The following KCND2 variants were observed in gnomAD, a reference collection of about 807,000 sequenced individuals.
The protein encoded by KCND2 is potassium voltage-gated channel subfamily D member 2.
In KCND2, 16 loss-of-function variants were observed where a neutral mutation model predicts 54.4. The ratio of observed to expected loss-of-function variants is 0.29; its 90% confidence interval spans 0.20 to 0.45. The LOEUF is 0.45. Ranked by LOEUF, KCND2 falls within the 20% of genes least tolerant of loss-of-function variation. KCND2 has a pLI of 1.00. For synonymous variants in KCND2, 317 were observed against 310.7 expected (o/e 1.02, Z -0.21); for missense variants, 486 against 824.2 (o/e 0.59, Z 5.02).
intron 1 of KCND2, among the ~76,000 whole-genome samples, chr7:120,452,802 A>G (rs767478645): frequency 1.6e-4 from 25 of 152,156 alleles, no homozygotes; most frequent in Non-Finnish European, 3.1e-4. Flanking sequence ...CCCATCGCCC[A>G]AGGCTCACCA....
At chr7:120,501,822 A>C (rs932838103) in intron 1 of KCND2, among the ~76,000 whole-genome samples, 13 of 152,100 alleles carry the variant, frequency 8.5e-5, no homozygotes, top group African/African-American at 7.2e-5. Context: ...AAATTTTTAA[A>C]AATCTTCATT....
intron 1 of KCND2, among the ~76,000 whole-genome samples, chr7:120,611,379 G>T (rs1792952627): frequency 6.6e-6 from 1 of 152,180 alleles, no homozygotes; most frequent in African/African-American, 2.4e-5. Context: ...ATTTGCTGCA[G>T]TGTACAGTCT....
At chr7:120,457,988 T>C (rs931742462) in intron 1 of KCND2, among the ~76,000 whole-genome samples, 1 of 152,144 alleles carries the variant, frequency 6.6e-6, no homozygotes, top group Non-Finnish European at 1.5e-5. Flanking sequence ...AAACACTTCC[T>C]TATTGATATG....
chr7:120,519,267 C>T (rs182989912), intron 1 of KCND2, among the ~76,000 whole-genome samples: 3 of 152,056 alleles, frequency 2.0e-5, no homozygotes, highest in Non-Finnish European at 4.4e-5. Flanking sequence ...CTTGAACCCA[C>T]GAGACTGAGG....
At chr7:120,491,355 C>T (rs112550281) in intron 1 of KCND2, among the ~76,000 whole-genome samples, 182 of 151,944 alleles carry the variant, frequency 1.2e-3, no homozygotes, top group African/African-American at 4.0e-3. Flanking sequence ...GTTGTTCCTA[C>T]GAAAATAGTG....
At chr7:120,448,646 C>A (rs1015493669) in intron 1 of KCND2, among the ~76,000 whole-genome samples, 1 of 152,044 alleles carries the variant, frequency 6.6e-6, no homozygotes, top group Non-Finnish European at 1.5e-5. Context: ...GACCAATATC[C>A]CTGATGAACA....
At chr7:120,332,384 T>G (rs983565183) in intron 1 of KCND2, among the ~76,000 whole-genome samples, 7 of 152,254 alleles carry the variant, frequency 4.6e-5, no homozygotes, top group Middle Eastern at 6.8e-3. Context: ...ATTCATGTTT[T>G]AAAATCAGTG....
Position 120,574,514 on chromosome 7 carries a change from C to G in KCND2, c.1116-158389C>G, listed in dbSNP as rs116450784. Among the ~76,000 whole-genome samples the G allele has an allele frequency of 9.0e-3, 1,374 of 152,184 alleles. 15 individuals are homozygous for G. Among genetic ancestry groups the G allele is most frequent in the African/African-American group, 0.03 (1,252 of 41,534 alleles). On this transcript the variant is annotated intron_variant, in intron 1 of 5. Transcript: ENST00000331113. Reference sequence around the variant, plus strand: ...TCTTAACATTTAATAAGAGGCTATTCTACACAATATCAAAAAACTAAAATA... The same window carrying G: ...TCTTAACATTTAATAAGAGGCTATTGTACACAATATCAAAAAACTAAAATA...
At chr7:120,616,624 C>G (rs1793028806) in intron 1 of KCND2, among the ~76,000 whole-genome samples, 1 of 151,968 alleles carries the variant, frequency 6.6e-6, no homozygotes, top group Non-Finnish European at 1.5e-5. Context: ...TTTGTAGGGA[C>G]CAATAATATT....
intron 1 of KCND2, among the ~76,000 whole-genome samples, chr7:120,503,347 A>G (rs774921160): frequency 2.0e-5 from 3 of 151,804 alleles, no homozygotes; most frequent in Non-Finnish European, 2.9e-5. Flanking sequence ...TTCAGAGTTT[A>G]CATTTCAAAA....
chr7:120,282,296 C>G (rs932600337), intron 1 of KCND2, among the ~76,000 whole-genome samples: 2 of 151,998 alleles, frequency 1.3e-5, no homozygotes, highest in African/African-American at 4.8e-5. Context: ...TGTTTTTCAT[C>G]CAGGTTTTCT....
At position 120,655,297 on chromosome 7, in the gene KCND2, G is replaced by T. The variant is rs376428759; in HGVS notation, c.1116-77606G>T. On this transcript the variant is annotated intron_variant, in intron 1 of 5. Transcript: ENST00000331113. ...TCCTGTATTTGATAGCATAAATGAG[G>T]CATAATAATCAAAGAAAAAACTTTT... Among the ~76,000 whole-genome samples, 7 of 152,044 alleles carry T rather than the reference G, an allele frequency of 4.6e-5. No individual in the cohort carries two copies. In the East Asian group the frequency reaches 7.7e-4, roughly 17 times the overall value.
intron 1 of KCND2, among the ~76,000 whole-genome samples, chr7:120,331,504 A>C (rs1000413718): frequency 5.3e-5 from 8 of 152,016 alleles, no homozygotes; most frequent in African/African-American, 1.9e-4. Context: ...GAAAAAAGAC[A>C]AAGAGTGAGA....
chr7:120,282,851 T>A (rs1799286463), intron 1 of KCND2, among the ~76,000 whole-genome samples: 1 of 152,172 alleles, frequency 6.6e-6, no homozygotes, highest in Admixed American at 6.6e-5. Context: ...AATAGACCTT[T>A]GTTGATCACT....
At chr7:120,696,585 G>A (rs990479277) in intron 1 of KCND2, among the ~76,000 whole-genome samples, 2 of 152,216 alleles carry the variant, frequency 1.3e-5, no homozygotes, top group Middle Eastern at 3.2e-3. Flanking sequence ...GTGTTGGGAG[G>A]TGGGGCCTAA....
chr7:120,405,116 G>A (rs1369822645), intron 1 of KCND2, among the ~76,000 whole-genome samples: 1 of 152,058 alleles, frequency 6.6e-6, no homozygotes, highest in Non-Finnish European at 1.5e-5. Flanking sequence ...TTATCTTAAG[G>A]AAGCAAAAGA....
At chr7:120,547,207 A>G (rs1299896555) in intron 1 of KCND2, among the ~76,000 whole-genome samples, 1 of 152,036 alleles carries the variant, frequency 6.6e-6, no homozygotes, top group East Asian at 1.9e-4. Flanking sequence ...TAAAAAGTCA[A>G]AGATAGAGAG....
chr7:120,652,751 A>G (rs191877401), intron 1 of KCND2, among the ~76,000 whole-genome samples: 1 of 152,260 alleles, frequency 6.6e-6, no homozygotes, highest in Admixed American at 6.5e-5. Flanking sequence ...TCACTTCAAA[A>G]CTTGTTCATC....
chr7:120,495,299 A>C (rs2116307825), intron 1 of KCND2, among the ~76,000 whole-genome samples: 1 of 152,214 alleles, frequency 6.6e-6, no homozygotes, highest in African/African-American at 2.4e-5. Flanking sequence ...AAAAGGTATT[A>C]GAAACACACT....
Sources: gnomAD v4.1 joint callset for allele counts (sites outside exome capture counted in the v4.1 genomes callset) on GRCh38, gnomAD v4.1.1 for gene constraint, MANE v1.5 for transcripts, NCBI Gene and HGNC (gene_info 2026-07-23, HGNC 2026-07-21) for gene names.